The following ZNF804A variants were observed in gnomAD, a reference collection of about 807,000 sequenced individuals.
ZNF804A encodes zinc finger protein 804A.
In ZNF804A, 2 loss-of-function variants were observed where a neutral mutation model predicts 16.5. The observed-to-expected ratio is 0.12, with a 90% CI of 0.05 to 0.38. The LOEUF (loss-of-function observed/expected upper bound fraction) is 0.38. Among genes scored for constraint, ZNF804A ranks in the 10% least tolerant of loss-of-function variants. ZNF804A has a pLI of 0.99. For synonymous variants in ZNF804A, 534 were observed against 489.6 expected, an observed-to-expected ratio of 1.09 and a Z score of -1.20; for missense variants, 1,473 against 1,390.7, an observed-to-expected ratio of 1.06 and a Z score of -0.94.
intron 1 of ZNF804A, among the ~76,000 whole-genome samples, chr2:184,839,802 A>G (rs1027941295): frequency 2.0e-5 from 3 of 152,162 alleles, no homozygotes; most frequent in Non-Finnish European, 4.4e-5. Context: ...TGTAAAAGTT[A>G]AAGAATTTTG....
chr2:184,664,656 G>A (rs1410547592), intron 1 of ZNF804A, among the ~76,000 whole-genome samples: 2 of 151,996 alleles, frequency 1.3e-5, no homozygotes, highest in African/African-American at 4.8e-5. Flanking sequence ...ATGTTCTTTA[G>A]CTGCATCATG....
At chr2:184,930,466 A>G (rs566619289) in intron 2 of ZNF804A, among the ~76,000 whole-genome samples, 19 of 152,320 alleles carry the variant, frequency 1.2e-4, no homozygotes, top group African/African-American at 4.3e-4. Flanking sequence ...CATTCTTGAA[A>G]TATCTTTGTG....
chr2:184,882,531 C>T (rs1172809518), intron 2 of ZNF804A, among the ~76,000 whole-genome samples: 3 of 151,740 alleles, frequency 2.0e-5, no homozygotes, highest in Non-Finnish European at 4.4e-5. Context: ...ATGGCACATA[C>T]TCACGATCAT....
At chr2:184,833,497 A>T (rs541147307) in intron 1 of ZNF804A, among the ~76,000 whole-genome samples, 132 of 152,212 alleles carry the variant, frequency 8.7e-4, no homozygotes, top group African/African-American at 3.2e-3. Flanking sequence ...GCAATTTAAT[A>T]TGTTCTAACT....
At chr2:184,664,363 A>G (rs1364033399) in intron 1 of ZNF804A, among the ~76,000 whole-genome samples, 1 of 152,104 alleles carries the variant, frequency 6.6e-6, no homozygotes, top group South Asian at 2.1e-4. Flanking sequence ...CACAATATTA[A>G]ACAAGTGGCT....
At chr2:184,886,449 G>A (rs574000445) in intron 2 of ZNF804A, among the ~76,000 whole-genome samples, 139 of 152,272 alleles carry the variant, frequency 9.1e-4, no homozygotes, top group Middle Eastern at 6.8e-3. Flanking sequence ...GAGGATGGTG[G>A]CCCTCCTCTC....
At chr2:184,648,599 T>G (rs1294082246) in intron 1 of ZNF804A, among the ~76,000 whole-genome samples, 1 of 152,038 alleles carries the variant, frequency 6.6e-6, no homozygotes, top group Non-Finnish European at 1.5e-5. Flanking sequence ...AAGAAAGATC[T>G]GCCATAGAAA....
chr2:184,746,136 G>T (rs978039709), intron 1 of ZNF804A, among the ~76,000 whole-genome samples: 1 of 151,232 alleles, frequency 6.6e-6, no homozygotes, highest in Admixed American at 6.6e-5. Context: ...ATAAAATCTG[G>T]ATATGTGGTA....
chr2:184,753,645 A>G (rs1205462540), intron 1 of ZNF804A, among the ~76,000 whole-genome samples: 1 of 151,796 alleles, frequency 6.6e-6, no homozygotes, highest in African/African-American at 2.4e-5. Context: ...GTTGTGGATT[A>G]TTCACATGAT....
intron 1 of ZNF804A, among the ~76,000 whole-genome samples, chr2:184,729,536 T>C (rs998434931): frequency 1.3e-5 from 2 of 152,076 alleles, no homozygotes; most frequent in Non-Finnish European, 2.9e-5. Context: ...ATTTCCTCAA[T>C]GTTATCTCTT....
At chr2:184,696,684 G>T (rs1692836510) in intron 1 of ZNF804A, among the ~76,000 whole-genome samples, 1 of 151,920 alleles carries the variant, frequency 6.6e-6, no homozygotes, top group Non-Finnish European at 1.5e-5. Context: ...ATTAACATAT[G>T]GTTTTTCACA....
intron 2 of ZNF804A, among the ~76,000 whole-genome samples, chr2:184,905,382 C>T (rs553721976): frequency 6.6e-6 from 1 of 152,174 alleles, no homozygotes; most frequent in East Asian, 1.9e-4. Context: ...AGAAATTTCA[C>T]ATTTAGGATA....
chr2:184,872,366 T>C (rs1223439741), intron 2 of ZNF804A, among the ~76,000 whole-genome samples: 1 of 152,044 alleles, frequency 6.6e-6, no homozygotes, highest in African/African-American at 2.4e-5. Context: ...AAAATAGGGG[T>C]TAAAATGCAG....
intron 1 of ZNF804A, among the ~76,000 whole-genome samples, chr2:184,753,046 A>G (rs963056084): frequency 3.3e-5 from 5 of 151,648 alleles, no homozygotes; most frequent in African/African-American, 4.8e-5. Context: ...AGAGAAGAGC[A>G]TCATGAAAAC....
At chr2:184,691,447 T>C (rs1220267549) in intron 1 of ZNF804A, among the ~76,000 whole-genome samples, 1 of 151,460 alleles carries the variant, frequency 6.6e-6, no homozygotes, top group African/African-American at 2.4e-5. Flanking sequence ...TTGATAATTA[T>C]ACAACTTGAT....
At chr2:184,850,521 T>C (rs1695586038) in intron 1 of ZNF804A, among the ~76,000 whole-genome samples, 1 of 151,726 alleles carries the variant, frequency 6.6e-6, no homozygotes, top group African/African-American at 2.4e-5. Flanking sequence ...AAGAGAACAA[T>C]TTTCCCCTCT....
chr2:184,661,602 T>G (rs1421640129), intron 1 of ZNF804A, among the ~76,000 whole-genome samples: 1 of 152,088 alleles, frequency 6.6e-6, no homozygotes, highest in African/African-American at 2.4e-5. Flanking sequence ...AAAAGCACCA[T>G]TCAATTGGTT....
intron 1 of ZNF804A, among the ~76,000 whole-genome samples, chr2:184,787,205 A>G (rs1353329299): frequency 6.6e-6 from 1 of 151,994 alleles, no homozygotes; most frequent in Non-Finnish European, 1.5e-5. Flanking sequence ...AAATTAGAAC[A>G]TTCAATGTTT....
Position 184,651,938 on chromosome 2 carries a change from G to C in ZNF804A, c.111+52868G>C, listed in dbSNP as rs76523564. On this transcript the variant is annotated intron_variant, in intron 1 of 3. Transcript: ENST00000302277. ...GGTTCGACTCAGCAATCTCATTACT[G>C]GATGTATATCCAAAAGAAAAGTTGT... Among the ~76,000 whole-genome samples the C allele has an allele frequency of 6.4e-3, 976 of 152,140 alleles. 19 individuals are homozygous for C. Among genetic ancestry groups the C allele is most frequent in the African/African-American group, 0.022 (934 of 41,528 alleles).
Sources: gnomAD v4.1 joint callset for allele counts (sites outside exome capture counted in the v4.1 genomes callset) on GRCh38, gnomAD v4.1.1 for gene constraint, MANE v1.5 for transcripts, NCBI Gene and HGNC (gene_info 2026-07-23, HGNC 2026-07-21) for gene names.